USP10: variants seen among roughly 807,000 people sequenced by gnomAD.
USP10 encodes the protein ubiquitin carboxyl-terminal hydrolase 10.
A neutral mutation model predicts 84.5 loss-of-function variants in USP10; 22 were observed. The observed-to-expected ratio is 0.26, with a 90% confidence interval of 0.19 to 0.37. The LOEUF (loss-of-function observed/expected upper bound fraction) is 0.37. Ranked by LOEUF, USP10 falls within the 10% of genes least tolerant of loss-of-function variation. The pLI is 1.00. For missense variants in USP10, 1,019 were observed against 998.9 expected, an observed-to-expected ratio of 1.02 and a Z score of -0.27; for synonymous variants, 454 against 387.6, an observed-to-expected ratio of 1.17 and a Z score of -2.01.
chr16:84,764,814 A>T (rs1913639078), intron 10 of USP10, among the ~76,000 whole-genome samples: 1 of 151,314 alleles, frequency 6.6e-6, no homozygotes, highest in South Asian at 2.1e-4. Flanking sequence ...TGGGTGACAG[A>T]GTGAGACTCT....
chr16:84,772,165 C>T (rs779136064), intron 11 of USP10, among the ~76,000 whole-genome samples: 2 of 152,100 alleles, frequency 1.3e-5, no homozygotes, highest in African/African-American at 4.8e-5. Context: ...GATTCTCTTG[C>T]CTCTGCCACC....
intron 2 of USP10, among the ~76,000 whole-genome samples, chr16:84,737,765 AG>A (rs1910119291): frequency 1.3e-5 from 2 of 152,164 alleles, no homozygotes; most frequent in African/African-American, 4.8e-5. Context: ...CATCTGTCAG[AG>A]GGCCACAGTA....
At chr16:84,713,919 A>T (rs938373748) in intron 1 of USP10, among the ~76,000 whole-genome samples, 19 of 152,354 alleles carry the variant, frequency 1.2e-4, no homozygotes, top group African/African-American at 4.6e-4. Context: ...TGCATTTGGG[A>T]CGTGGAGAGT....
chr16:84,743,993 G>C (rs1419645105), intron 3 of USP10, among the ~76,000 whole-genome samples: 1 of 152,194 alleles, frequency 6.6e-6, no homozygotes, highest in Non-Finnish European at 1.5e-5. Context: ...AGGAGACCAA[G>C]AGATAGAGAA....
At chr16:84,729,469 A>G (rs959274341) in intron 1 of USP10, among the ~76,000 whole-genome samples, 1 of 152,212 alleles carries the variant, frequency 6.6e-6, no homozygotes, top group Admixed American at 6.5e-5. Flanking sequence ...CTGCTTGAGT[A>G]TAAGTTATAT....
chr16:84,768,389 A>G (rs751965932), intron 11 of USP10, 31 bp downstream of exon 11: 2 of 1,523,638 alleles, frequency 1.3e-6, no homozygotes, highest in African/African-American at 1.4e-5. Flanking sequence ...GAACCTTTCT[A>G]CTAAGGTGCT....
chr16:84,730,346 G>C (rs1362508827), intron 1 of USP10, among the ~76,000 whole-genome samples: 1 of 151,928 alleles, frequency 6.6e-6, no homozygotes, highest in Non-Finnish European at 1.5e-5. Flanking sequence ...CTCGCTGTCT[G>C]TACCTAAAGT....
chr16:84,713,903 C>T (rs900524443), intron 1 of USP10, among the ~76,000 whole-genome samples: 1 of 152,250 alleles, frequency 6.6e-6, no homozygotes, highest in African/African-American at 2.4e-5. Flanking sequence ...TGCCGTGTCG[C>T]TGAAGTGCAT....
Position 84,764,114 on chromosome 16 carries a change from C to A in USP10, c.1683C>A (p.Asn561Lys), listed in dbSNP as rs1450306304. 6.2e-7 allele frequency: 1 copy of A among 1,613,536 alleles called. No individual in the cohort carries two copies. Among genetic ancestry groups the A allele is most frequent in the Admixed American group, 1.7e-5 (1 of 59,970 alleles). Residue 561 changes from asparagine to lysine, a missense_variant, in exon 10 of 14, where the codon AAC (asparagine) becomes AAA (lysine). Coordinates refer to ENST00000219473, the MANE Select transcript of USP10 (RefSeq NM_005153.3). ...TTACGATTTCCAACGGCCCCAAAAA[C>A]CACTCGGTCAATGAAGAAGAGCAGG... ...EKLTISNGPKNHSVNEEEQEE... is the reference protein window; with the variant it reads ...EKLTISNGPKKHSVNEEEQEE...
At chr16:84,732,690 C>T (rs1437966819) in intron 1 of USP10, 3 of 299,020 alleles carry the variant, frequency 1.0e-5, no homozygotes, top group African/African-American at 2.3e-5. Flanking sequence ...TTAAGTGATT[C>T]GCCCATGTCA....
Position 84,768,218 on chromosome 16 carries a change from A to G in USP10, c.1858A>G (p.Lys620Glu). The G allele has an allele frequency of 2.5e-6, 4 of 1,597,334 alleles. No individual in the cohort carries two copies. Among genetic ancestry groups the G allele is most frequent in the East Asian group, 2.2e-5 (1 of 44,576 alleles). ...IRSVVYQQSS[K>E]ESATLQPFFT... Reference sequence around the variant, plus strand: ...GTCTGTGGTTTACCAGCAGAGTTCAAAAGAATCTGCCACTTTGCAGCCATT... The same window carrying G: ...GTCTGTGGTTTACCAGCAGAGTTCAGAAGAATCTGCCACTTTGCAGCCATT... The change falls in exon 11 of 14, where the codon AAA becomes GAA. Residue 620 changes from lysine (K) to glutamate (E), a missense_variant. Transcript: ENST00000219473.
chr16:84,734,946 T>C (rs944407788), intron 2 of USP10, among the ~76,000 whole-genome samples: 2 of 152,240 alleles, frequency 1.3e-5, no homozygotes, highest in Admixed American at 6.5e-5. Context: ...CTCCCCTGGT[T>C]CCGAGTGTGC....
chr16:84,778,746 T>C (rs1915276996), intron 13 of USP10, 149 bp from the exon 14 acceptor site: 1 of 741,960 alleles, frequency 1.3e-6, no homozygotes, highest in African/African-American at 1.8e-5. Context: ...GAAATAGCAT[T>C]GGTTTGTGTG....
chr16:84,725,927 G>C (rs1026980447), intron 1 of USP10, among the ~76,000 whole-genome samples: 2 of 152,170 alleles, frequency 1.3e-5, no homozygotes, highest in Non-Finnish European at 1.5e-5. Flanking sequence ...ATACTTCTCA[G>C]CTTCTTGTGT....
At chr16:84,747,758 G>A (rs564463467) in intron 4 of USP10, among the ~76,000 whole-genome samples, 19 of 151,512 alleles carry the variant, frequency 1.3e-4, no homozygotes, top group Non-Finnish European at 2.1e-4. Context: ...GTAGAAATGG[G>A]GTTTCACCAT....
chr16:84,778,209 C>G (rs896755691), intron 13 of USP10, among the ~76,000 whole-genome samples: 4 of 151,968 alleles, frequency 2.6e-5, no homozygotes, highest in Non-Finnish European at 5.9e-5. Context: ...CCCACCACAG[C>G]TCCACGCTCA....
intron 11 of USP10, among the ~76,000 whole-genome samples, chr16:84,770,135 G>A (rs989624128): frequency 2.6e-5 from 4 of 152,086 alleles, no homozygotes; most frequent in Non-Finnish European, 5.9e-5. Context: ...AAAAATAAAG[G>A]AAAGCTGGCA....
intron 1 of USP10, among the ~76,000 whole-genome samples, chr16:84,720,494 G>A (rs7189781): frequency 0.077 from 11,732 of 151,576 alleles, 610 homozygotes; most frequent in African/African-American, 0.16. Context: ...AATCTGAAGT[G>A]ACTGAGTAAT....
intron 11 of USP10, among the ~76,000 whole-genome samples, chr16:84,770,070 C>G (rs987963616): frequency 6.6e-6 from 1 of 152,112 alleles, no homozygotes; most frequent in Admixed American, 6.5e-5. Flanking sequence ...GATCACGCCA[C>G]TGCACTCCAG....
Sources: gnomAD v4.1 joint callset for allele counts (sites outside exome capture counted in the v4.1 genomes callset) on GRCh38, gnomAD v4.1.1 for gene constraint, MANE v1.5 for transcripts, NCBI Gene and HGNC (gene_info 2026-07-23, HGNC 2026-07-21) for gene names.